The following FRMD5 variants were observed in gnomAD, a reference collection of about 807,000 sequenced individuals.
The protein encoded by FRMD5 is FERM domain-containing protein 5.
In FRMD5, 20 loss-of-function variants were observed where a neutral mutation model predicts 69.0. The ratio of observed to expected loss-of-function variants is 0.29; its 90% confidence interval spans 0.20 to 0.42. The LOEUF is 0.42. FRMD5 is among the 10% of genes least tolerant of loss of function. The pLI is 1.00. For synonymous variants in FRMD5, 271 were observed against 260.1 expected, an observed-to-expected ratio of 1.04 and a Z score of -0.40; for missense variants, 595 against 708.6, an observed-to-expected ratio of 0.84 and a Z score of 1.82.
intron 1 of FRMD5, among the ~76,000 whole-genome samples, chr15:44,136,010 C>T (rs1467598183): frequency 6.6e-6 from 1 of 151,738 alleles, no homozygotes; most frequent in Non-Finnish European, 1.5e-5. Flanking sequence ...TTAAATAGAA[C>T]ATTTCCCTTT....
chr15:44,118,539 T>G (rs978961882), intron 1 of FRMD5, among the ~76,000 whole-genome samples: 1 of 152,200 alleles, frequency 6.6e-6, no homozygotes, highest in African/African-American at 2.4e-5. Flanking sequence ...GCCCCTATAC[T>G]CACTTTTCTA....
rs369432158 is a variant in FRMD5 at position 44,024,126 on chromosome 15, TTTTG to T, written c.103-99821_103-99818del. Among the ~76,000 whole-genome samples the T allele has an allele frequency of 4.8e-3, 732 of 152,342 alleles. 10 individuals are homozygous for T. The highest frequency in any genetic ancestry group is 0.017 in the African/African-American group (701 of 41,572). On this transcript the variant is annotated intron_variant, in intron 1 of 13. Coordinates refer to ENST00000417257, the MANE Select transcript of FRMD5 (RefSeq NM_032892.5). Reference sequence around the variant, plus strand: ...AGTTGGAATCTAGGTTTCTTTCATCTTTTGTTTTACATTATTAATATTTTAATCA... The same window carrying T: ...AGTTGGAATCTAGGTTTCTTTCATCTTTTTACATTATTAATATTTTAATCA...
intron 1 of FRMD5, among the ~76,000 whole-genome samples, chr15:44,057,112 C>T (rs1368144433): frequency 5.3e-5 from 8 of 149,640 alleles, no homozygotes; most frequent in African/African-American, 2.0e-4. Context: ...ATTCCCTCTC[C>T]CTCTTTGCTC....
At chr15:44,115,413 A>G (rs758820554) in intron 1 of FRMD5, among the ~76,000 whole-genome samples, 1 of 152,328 alleles carries the variant, frequency 6.6e-6, no homozygotes, top group Non-Finnish European at 1.5e-5. Flanking sequence ...TAAACTTAAC[A>G]TATTCTATAG....
At chr15:44,185,207 T>C (rs1196644952) in intron 1 of FRMD5, among the ~76,000 whole-genome samples, 1 of 152,238 alleles carries the variant, frequency 6.6e-6, no homozygotes, top group African/African-American at 2.4e-5. Context: ...CTATTTCACA[T>C]GTACTAGAAT....
intron 1 of FRMD5, among the ~76,000 whole-genome samples, chr15:44,086,280 T>C (rs1894192836): frequency 6.6e-6 from 1 of 152,166 alleles, no homozygotes; most frequent in Non-Finnish European, 1.5e-5. Context: ...AGCAGCTCTA[T>C]TCATAACACC....
chr15:43,971,455 G>A (rs1201062747), intron 1 of FRMD5, among the ~76,000 whole-genome samples: 1 of 151,572 alleles, frequency 6.6e-6, no homozygotes, highest in Non-Finnish European at 1.5e-5. Flanking sequence ...GGGAGGCCAA[G>A]AGGGCGGATC....
intron 4 of FRMD5, 38 bp from the exon 5 acceptor site, chr15:43,910,017 T>C: frequency 8.5e-7 from 1 of 1,175,602 alleles, no homozygotes; most frequent in Non-Finnish European, 1.3e-6. Flanking sequence ...AAAGGATTTC[T>C]TTGATTGCTT....
chr15:44,064,198 G>T, intron 1 of FRMD5: 1 of 191,948 alleles, frequency 5.2e-6, no homozygotes, highest in Non-Finnish European at 1.1e-5. Flanking sequence ...GAAGGTCACT[G>T]GCATGATCTT....
At chr15:44,144,224 A>G (rs1037740277) in intron 1 of FRMD5, among the ~76,000 whole-genome samples, 11 of 152,086 alleles carry the variant, frequency 7.2e-5, no homozygotes, top group Admixed American at 6.5e-4. Context: ...TAAGTTGAGG[A>G]TATCTATAGA....
At chr15:44,113,387 TC>T (rs1299330534) in intron 1 of FRMD5, among the ~76,000 whole-genome samples, 4 of 152,238 alleles carry the variant, frequency 2.6e-5, no homozygotes, top group South Asian at 2.1e-4. Context: ...GCTTTGTTTT[TC>T]ACTTTTTAAT....
chr15:44,031,821 C>G (rs1271419116), intron 1 of FRMD5, among the ~76,000 whole-genome samples: 4 of 152,126 alleles, frequency 2.6e-5, no homozygotes, highest in African/African-American at 4.8e-5. Flanking sequence ...GTTAGAGAAA[C>G]TAAAAATGGG....
At chr15:43,909,255 C>G (rs2089239529) in intron 5 of FRMD5, among the ~76,000 whole-genome samples, 1 of 151,680 alleles carries the variant, frequency 6.6e-6, no homozygotes, top group Non-Finnish European at 1.5e-5. Context: ...AAAAAATTAG[C>G]TGGGCATGGT....
At chr15:43,969,132 G>C (rs139323534) in intron 1 of FRMD5, among the ~76,000 whole-genome samples, 1,504 of 150,252 alleles carry the variant, frequency 0.01, 25 homozygotes, top group African/African-American at 0.035. Flanking sequence ...CTGTCATCCA[G>C]GCTGGAATGC....
At chr15:44,183,976 CAA>C (rs71421823) in intron 1 of FRMD5, among the ~76,000 whole-genome samples, 15 of 123,828 alleles carry the variant, frequency 1.2e-4, no homozygotes, top group Admixed American at 1.7e-4. Flanking sequence ...GTCTCCGTCT[CAA>C]AAAAAAAAAA....
At chr15:43,990,013 T>C in intron 1 of FRMD5, 1 of 895,908 alleles carries the variant, frequency 1.1e-6, no homozygotes, top group Non-Finnish European at 1.9e-6. Context: ...GCTCTGGACC[T>C]CGTTGCCCAC....
At chr15:43,914,723 C>CTTTTTTTTTTGTTTTTTTTTTTTT (rs2089351248) in intron 4 of FRMD5, among the ~76,000 whole-genome samples, 1 of 109,418 alleles carries the variant, frequency 9.1e-6, no homozygotes, top group Non-Finnish European at 1.7e-5. Flanking sequence ...AGGTGACTAC[C>CTTTTTTTTTTGTTTTTTTTTTTTT]TTTTTTTTTT....
chr15:44,007,790 C>T (rs1012606858), intron 1 of FRMD5, among the ~76,000 whole-genome samples: 1 of 151,924 alleles, frequency 6.6e-6, no homozygotes, highest in Admixed American at 6.6e-5. Context: ...GGATTATAGG[C>T]ATGTGCCACC....
At position 43,888,918 on chromosome 15, in the gene FRMD5, G is replaced by A. The variant is rs1393179839; in HGVS notation, c.729-46C>T. ...CCTGTCACCTCATTGTGGGCTGCTT[G>A]TTCACAGCTAAATCTTGTAGATGCA... On this transcript the variant is annotated intron_variant, in intron 8 of 13. Transcript: ENST00000417257. The A allele has an allele frequency of 3.9e-6, 6 of 1,547,696 alleles. No individual in the cohort carries two copies. In the East Asian group the frequency reaches 6.7e-5, roughly 17 times the overall value.
Sources: allele counts gnomAD v4.1 joint callset (sites outside exome capture counted in the v4.1 genomes callset), GRCh38; gene constraint gnomAD v4.1.1; transcripts MANE v1.5; gene names NCBI Gene and HGNC (gene_info 2026-07-23, HGNC 2026-07-21).